The following HS3ST3A1 variants were observed in gnomAD, a reference collection of about 807,000 sequenced individuals.
HS3ST3A1 encodes the protein heparan sulfate glucosamine 3-O-sulfotransferase 3A1.
Under a neutral mutation model 25.7 loss-of-function variants are expected in HS3ST3A1, and 19 were observed. That is an observed-to-expected ratio of 0.74 (90% CI 0.52 to 1.08). HS3ST3A1 has a LOEUF of 1.08. Ranked by LOEUF, HS3ST3A1 falls within the 50% of genes least tolerant of loss-of-function variation. The probability of loss-of-function intolerance (pLI) is 0.00; values close to 1 mark genes in which losing one functional copy is unlikely to be tolerated. For synonymous variants in HS3ST3A1, 226 were observed against 278.6 expected (o/e 0.81, Z 1.88); for missense variants, 459 against 594.3 (o/e 0.77, Z 2.37).
chr17:13,600,499 C>G (rs748487626), intron 1 of HS3ST3A1, 32 bp downstream of exon 1: 6 of 1,553,878 alleles, frequency 3.9e-6, no homozygotes, highest in African/African-American at 1.4e-5. Context: ...CCCCCGGATC[C>G]TTCAGCCCCA....
intron 1 of HS3ST3A1, among the ~76,000 whole-genome samples, chr17:13,527,184 C>T (rs1482028441): frequency 6.6e-6 from 1 of 152,084 alleles, no homozygotes; most frequent in African/African-American, 2.4e-5. Flanking sequence ...TACCTTCCAC[C>T]CCTCTTTCAT....
intron 1 of HS3ST3A1, among the ~76,000 whole-genome samples, chr17:13,505,348 G>C (rs9891471): frequency 0.026 from 4,031 of 152,240 alleles, 165 homozygotes; most frequent in African/African-American, 0.092. Flanking sequence ...ATGAGACGAA[G>C]AAATTTGTCT....
chr17:13,546,638 C>A (rs368873354), intron 1 of HS3ST3A1, among the ~76,000 whole-genome samples: 1 of 152,178 alleles, frequency 6.6e-6, no homozygotes, highest in Non-Finnish European at 1.5e-5. Context: ...AAATGGCACC[C>A]CCTCTTTCAG....
chr17:13,555,664 A>G (rs990115134), intron 1 of HS3ST3A1, among the ~76,000 whole-genome samples: 3 of 152,222 alleles, frequency 2.0e-5, no homozygotes, highest in Admixed American at 6.5e-5. Flanking sequence ...ATTTCTCTAC[A>G]TGCACAAATA....
chr17:13,601,261 G>A lies in HS3ST3A1; in HGVS notation c.-132C>T, dbSNP rs867430829. The stretch of plus-strand genomic sequence containing the variant: ...TCGCCGTGCGCCCCTGTGGCCGTGC[G>A]AACTGTCCCGGGAGGCAGCGGCCGG... On this transcript the variant is annotated 5_prime_UTR_variant, in exon 1 of 2. Transcript: ENST00000284110. 126 of 682,090 alleles carry A rather than the reference G, an allele frequency of 1.8e-4. No homozygotes were observed. Among genetic ancestry groups the A allele is most frequent in the South Asian group, 4.3e-4 (19 of 44,392 alleles). 42.3% of individuals were successfully genotyped at this position (682,090 alleles called of 1,614,324 possible).
At position 13,498,383 on chromosome 17, in the gene HS3ST3A1, C is replaced by T. The variant is rs546065843; in HGVS notation, c.600-1565G>A. On this transcript the variant is annotated intron_variant, in intron 1 of 1. Coordinates refer to ENST00000284110, the MANE Select transcript of HS3ST3A1 (RefSeq NM_006042.3). ...TCTCTTGCCCCTCTGTCTTTCAATC[C>T]TACTCTTACCAAAGACTAACCACAG... Among the ~76,000 whole-genome samples the T allele has an allele frequency of 8.9e-4, 135 of 152,250 alleles. 3 individuals are homozygous for T. In the South Asian group the frequency reaches 0.027, roughly 30 times the overall value.
At chr17:13,529,641 G>A (rs996799877) in intron 1 of HS3ST3A1, among the ~76,000 whole-genome samples, 2 of 152,126 alleles carry the variant, frequency 1.3e-5, no homozygotes, top group Non-Finnish European at 2.9e-5. Flanking sequence ...ATTTATGTTT[G>A]TTGAATTCAT....
intron 1 of HS3ST3A1, among the ~76,000 whole-genome samples, chr17:13,596,568 A>T (rs753020714): frequency 6.6e-6 from 1 of 151,758 alleles, no homozygotes; most frequent in Non-Finnish European, 1.5e-5. Flanking sequence ...CCAGGTGGGG[A>T]ATGTCTAGGT....
chr17:13,499,871 G>A (rs1413750530), intron 1 of HS3ST3A1, among the ~76,000 whole-genome samples: 1 of 152,164 alleles, frequency 6.6e-6, no homozygotes, highest in Non-Finnish European at 1.5e-5. Context: ...TGGGATGGGT[G>A]TGGAGAGTTG....
At position 13,495,549 on chromosome 17, in the gene HS3ST3A1, C is replaced by A. The variant is rs1247120204; in HGVS notation, c.*648G>T. The A allele has an allele frequency of 6.6e-6, 1 of 152,132 alleles. No individual in the cohort carries two copies. The highest frequency in any genetic ancestry group is 1.5e-5 in the Non-Finnish European group (1 of 68,034). The allele number at this position is 152,132 out of a possible 1,614,324, so 9.4% of individuals were successfully genotyped here. A position where few individuals can be genotyped will look rare whatever the true frequency, so the allele number is the denominator to read the frequency against. On this transcript the variant is annotated 3_prime_UTR_variant, in exon 2 of 2. Transcript: ENST00000284110. ...GGAAAAAGTGACATGAAATAGGGAA[C>A]AAGTGGAAGATGGAATTTTGTCCAG...
At chr17:13,517,254 A>T (rs1461801160) in intron 1 of HS3ST3A1, among the ~76,000 whole-genome samples, 1 of 152,244 alleles carries the variant, frequency 6.6e-6, no homozygotes. Context: ...GGCTAACATT[A>T]GGTTTGACCT....
chr17:13,598,719 G>A (rs1408522905), intron 1 of HS3ST3A1, among the ~76,000 whole-genome samples: 1 of 149,902 alleles, frequency 6.7e-6, no homozygotes, highest in Admixed American at 6.6e-5. Context: ...TAGTTACCTT[G>A]AAACCTTCCT....
intron 1 of HS3ST3A1, among the ~76,000 whole-genome samples, chr17:13,598,419 A>T (rs1240013029): frequency 6.6e-6 from 1 of 152,168 alleles, no homozygotes; most frequent in Non-Finnish European, 1.5e-5. Flanking sequence ...TTCCTATGTA[A>T]TTGAGTTAAA....
In HS3ST3A1 at chr17:13,588,285, G is replaced by A. The variant is rs1044960330; in HGVS notation, c.599+12246C>T. On this transcript the variant is annotated intron_variant, in intron 1 of 1. Transcript: ENST00000284110. The stretch of plus-strand genomic sequence containing the variant: ...CCCTTTCCAGAAAAAAAAAAAAATT[G>A]CTGACACCTGGCCTAAGGGGTCATT... Among the ~76,000 whole-genome samples, 7 of 151,708 alleles carry A rather than the reference G, an allele frequency of 4.6e-5. No individual in the cohort carries two copies. The East Asian group carries it at 1.2e-3, about 25-fold the overall frequency.
intron 1 of HS3ST3A1, among the ~76,000 whole-genome samples, chr17:13,526,291 T>G (rs1598414327): frequency 6.6e-6 from 1 of 151,924 alleles, no homozygotes; most frequent in Non-Finnish European, 1.5e-5. Flanking sequence ...TTCCCTGCAT[T>G]GTATCTTAGA....
chr17:13,504,247 G>A (rs1050459556), intron 1 of HS3ST3A1, among the ~76,000 whole-genome samples: 3 of 152,202 alleles, frequency 2.0e-5, no homozygotes, highest in Non-Finnish European at 2.9e-5. Context: ...AACCCAGGAA[G>A]TGGAGGTCGC....
At chr17:13,506,063 G>A (rs1172942954) in intron 1 of HS3ST3A1, among the ~76,000 whole-genome samples, 15 of 145,678 alleles carry the variant, frequency 1.0e-4, no homozygotes, top group Admixed American at 8.9e-4. Context: ...TTCTGTTTCA[G>A]TAGAGTTGGA....
At chr17:13,532,878 C>CAT (rs1555538814) in intron 1 of HS3ST3A1, among the ~76,000 whole-genome samples, 1 of 139,236 alleles carries the variant, frequency 7.2e-6, no homozygotes, top group Non-Finnish European at 1.5e-5. Context: ...AATACATATA[C>CAT]GTGTGTGTGT....
At chr17:13,594,823 T>C (rs1275553631) in intron 1 of HS3ST3A1, among the ~76,000 whole-genome samples, 4 of 151,986 alleles carry the variant, frequency 2.6e-5, no homozygotes, top group African/African-American at 9.7e-5. Flanking sequence ...TTGCTATAAG[T>C]GCTACCTAAA....
Sources: allele counts gnomAD v4.1 joint callset (sites outside exome capture counted in the v4.1 genomes callset), GRCh38; gene constraint gnomAD v4.1.1; transcripts MANE v1.5; gene names NCBI Gene and HGNC (gene_info 2026-07-23, HGNC 2026-07-21).